SLC7A1: variants seen among roughly 807,000 people sequenced by gnomAD.
SLC7A1 encodes the protein high affinity cationic amino acid transporter 1.
In SLC7A1, 10 loss-of-function variants were observed where a neutral mutation model predicts 53.9. The observed-to-expected ratio is 0.19, with a 90% CI of 0.11 to 0.31. The LOEUF (loss-of-function observed/expected upper bound fraction) is 0.31, where lower values mean the gene tolerates loss of function less well. SLC7A1 is among the 10% of genes least tolerant of loss of function. The pLI, the probability that SLC7A1 is intolerant of heterozygous loss-of-function variation, is 1.00. For synonymous variants in SLC7A1, 342 were observed against 338.7 expected (o/e 1.01, Z -0.11); for missense variants, 525 against 827.2 (o/e 0.63, Z 4.48).
chr13:29,569,629 AG>A (rs1380578676), intron 1 of SLC7A1, among the ~76,000 whole-genome samples: 1 of 152,228 alleles, frequency 6.6e-6, no homozygotes, highest in East Asian at 1.9e-4. Context: ...CCCATTCTCA[AG>A]AGTACCCACA....
At chr13:29,589,893 C>T (rs1304066517) in intron 1 of SLC7A1, among the ~76,000 whole-genome samples, 4 of 152,142 alleles carry the variant, frequency 2.6e-5, no homozygotes, top group Non-Finnish European at 4.4e-5. Context: ...CCAGAAGGGC[C>T]GATCCCACTG....
intron 1 of SLC7A1, among the ~76,000 whole-genome samples, chr13:29,566,260 G>A (rs1249996278): frequency 1.3e-5 from 2 of 152,196 alleles, no homozygotes; most frequent in Non-Finnish European, 2.9e-5. Context: ...GTACAATACA[G>A]CAATTCCATT....
intron 1 of SLC7A1, among the ~76,000 whole-genome samples, chr13:29,584,766 T>A (rs1871806304): frequency 6.6e-6 from 1 of 152,092 alleles, no homozygotes; most frequent in South Asian, 2.1e-4. Flanking sequence ...CAAAAGTCCA[T>A]CCAACCTTTT....
chr13:29,546,334 C>A (rs1336198026), intron 2 of SLC7A1, among the ~76,000 whole-genome samples: 3 of 152,196 alleles, frequency 2.0e-5, no homozygotes, highest in Non-Finnish European at 4.4e-5. Flanking sequence ...CAAATTTGTT[C>A]ATTTATTTAA....
In SLC7A1 at chr13:29,592,435, G is replaced by A. The variant is rs76303752; in HGVS notation, c.-115+2981C>T. On this transcript the variant is annotated intron_variant, in intron 1 of 12. Coordinates refer to ENST00000380752, the MANE Select transcript of SLC7A1 (RefSeq NM_003045.5). ...GGGCCAGGTAAATGGCATCCCCTGG[G>A]TCTGCCAACACTGCACATCTGAACG... Among the ~76,000 whole-genome samples, 307 of 152,332 alleles carry A rather than the reference G, an allele frequency of 2.0e-3. 6 individuals carry two copies. In the East Asian group the frequency reaches 0.039, roughly 20 times the overall value.
intron 1 of SLC7A1, among the ~76,000 whole-genome samples, chr13:29,563,753 A>T (rs1352224592): frequency 2.6e-5 from 4 of 152,184 alleles, no homozygotes; most frequent in African/African-American, 7.2e-5. Flanking sequence ...ACATGCAGGG[A>T]TACCCATCCC....
chr13:29,519,443 A>G lies in SLC7A1; in HGVS notation c.1292+4T>C. Reference sequence around the variant, plus strand: ...GTCATGAGACCCCCAAAAGCCATACATACCGTAAGACCAACACACAGGCAG... The same window carrying G: ...GTCATGAGACCCCCAAAAGCCATACGTACCGTAAGACCAACACACAGGCAG... On this transcript the variant is annotated splice_donor_region_variant and intron_variant, in intron 9 of 12. Coordinates refer to ENST00000380752, the MANE Select transcript of SLC7A1 (RefSeq NM_003045.5). 1.3e-6 allele frequency: 2 copies of G among 1,587,058 alleles called. No homozygotes were observed. Among genetic ancestry groups the G allele is most frequent in the East Asian group, 2.2e-5 (1 of 44,712 alleles).
rs781289671 is a variant in SLC7A1 at position 29,516,262 on chromosome 13, G to A, written c.1678-16C>T. The A allele has an allele frequency of 4.4e-6, 7 of 1,573,864 alleles. No homozygotes were observed. Among genetic ancestry groups the A allele is most frequent in the Non-Finnish European group, 5.2e-6 (6 of 1,146,092 alleles). On this transcript the variant is annotated splice_polypyrimidine_tract_variant and intron_variant, in intron 11 of 12. Coordinates refer to ENST00000380752, the MANE Select transcript of SLC7A1 (RefSeq NM_003045.5). The stretch of plus-strand genomic sequence containing the variant: ...GGAAGGGAACCTGAAGAGACAGGAG[G>A]TGGCTTCAATCCATGGCAGTGGCGC...
chr13:29,537,402 C>T (rs894222244), intron 2 of SLC7A1, among the ~76,000 whole-genome samples: 1 of 152,168 alleles, frequency 6.6e-6, no homozygotes, highest in African/African-American at 2.4e-5. Context: ...CTGTCAAGGT[C>T]ATCAAAAACT....
intron 5 of SLC7A1, among the ~76,000 whole-genome samples, chr13:29,524,969 C>A (rs1868816670): frequency 6.6e-6 from 1 of 152,220 alleles, no homozygotes; most frequent in Non-Finnish European, 1.5e-5. Flanking sequence ...TGTGCCGAGA[C>A]ACGGTGCCCA....
intron 1 of SLC7A1, among the ~76,000 whole-genome samples, chr13:29,582,867 C>G (rs1871706433): frequency 6.6e-6 from 1 of 152,212 alleles, no homozygotes; most frequent in Admixed American, 6.5e-5. Context: ...ACTGCCCACT[C>G]CTACTGCCAC....
intron 3 of SLC7A1, 129 bp downstream of exon 3, chr13:29,535,690 C>A: frequency 3.4e-6 from 3 of 876,266 alleles, no homozygotes; most frequent in South Asian, 3.8e-5. Context: ...GAATCAGAAA[C>A]ATCCTATTAA....
intron 9 of SLC7A1, among the ~76,000 whole-genome samples, chr13:29,519,122 G>A (rs1001686247): frequency 3.9e-5 from 6 of 152,146 alleles, no homozygotes; most frequent in Non-Finnish European, 1.5e-5. Flanking sequence ...CCAAGAATCT[G>A]AACCAAGTTG....
chr13:29,538,085 C>G (rs928295021), intron 2 of SLC7A1, among the ~76,000 whole-genome samples: 5 of 152,166 alleles, frequency 3.3e-5, no homozygotes, highest in African/African-American at 1.2e-4. Flanking sequence ...AGAGAATAAT[C>G]TCAAGACTCA....
chr13:29,541,571 A>G (rs929022779), intron 2 of SLC7A1, among the ~76,000 whole-genome samples: 2 of 152,248 alleles, frequency 1.3e-5, no homozygotes, highest in African/African-American at 4.8e-5. Context: ...AGTTTAGTAC[A>G]TAGCAAAGGG....
intron 5 of SLC7A1, among the ~76,000 whole-genome samples, chr13:29,527,069 G>C (rs1364058239): frequency 1.2e-4 from 8 of 65,382 alleles, no homozygotes; most frequent in Admixed American, 6.7e-4. Context: ...ACAAGGGCCT[G>C]ATTAAAAAAA....
chr13:29,579,740 C>G (rs1360219248), intron 1 of SLC7A1, among the ~76,000 whole-genome samples: 1 of 152,144 alleles, frequency 6.6e-6, no homozygotes, highest in African/African-American at 2.4e-5. Flanking sequence ...CTGAACGGCC[C>G]AAGTTCCTCC....
intron 1 of SLC7A1, among the ~76,000 whole-genome samples, chr13:29,564,823 A>T (rs926514317): frequency 6.6e-6 from 1 of 152,258 alleles, no homozygotes; most frequent in Non-Finnish European, 1.5e-5. Flanking sequence ...TAGAGATTAC[A>T]TATATAAATA....
intron 1 of SLC7A1, among the ~76,000 whole-genome samples, chr13:29,559,725 T>C (rs1362381140): frequency 2.0e-5 from 3 of 152,072 alleles, no homozygotes; most frequent in Non-Finnish European, 4.4e-5. Flanking sequence ...TAACTCTTTT[T>C]TTTTTTTTGA....
Sources: gnomAD v4.1 joint callset for allele counts (sites outside exome capture counted in the v4.1 genomes callset) on GRCh38, gnomAD v4.1.1 for gene constraint, MANE v1.5 for transcripts, NCBI Gene and HGNC (gene_info 2026-07-23, HGNC 2026-07-21) for gene names.